Variants in ZNF804B observed in about 807,000 individuals in gnomAD.
ZNF804B encodes the protein zinc finger protein 804B.
ZNF804B carries 80 observed loss-of-function variants against 101.4 expected under a neutral mutation model. That is an observed-to-expected ratio of 0.79 (90% CI 0.66 to 0.95). The LOEUF (loss-of-function observed/expected upper bound fraction) is 0.95. Ranked by LOEUF, ZNF804B falls within the 40% of genes least tolerant of loss-of-function variation. The pLI, the probability that ZNF804B is intolerant of heterozygous loss-of-function variation, is 0.00. For synonymous variants in ZNF804B, 622 were observed against 558.8 expected (o/e 1.11, Z -1.59); for missense variants, 1,673 against 1,561.9 (o/e 1.07, Z -1.20).
rs1313796116 is a variant in ZNF804B at position 88,833,440 on chromosome 7, A to C, written c.108+73356A>C. On this transcript the variant is annotated intron_variant, in intron 1 of 3. Coordinates refer to ENST00000333190, the MANE Select transcript of ZNF804B (RefSeq NM_181646.5). ...TTCTTTAGCTCTTACAAAAAAGTCA[A>C]GTGATTACATGTATCTGACATGTTG... Among the ~76,000 whole-genome samples, 4 of 152,044 alleles carry C rather than the reference A, an allele frequency of 2.6e-5. No homozygotes were observed. In the East Asian group the frequency reaches 7.8e-4, roughly 29 times the overall value.
chr7:88,799,868 A>G (rs2115707374), intron 1 of ZNF804B, among the ~76,000 whole-genome samples: 1 of 152,184 alleles, frequency 6.6e-6, no homozygotes, highest in Non-Finnish European at 1.5e-5. Flanking sequence ...TTTCTTAGAA[A>G]CGTTAGTGAA....
At chr7:88,897,945 G>A (rs1792314558) in intron 1 of ZNF804B, among the ~76,000 whole-genome samples, 1 of 151,294 alleles carries the variant, frequency 6.6e-6, no homozygotes, top group Non-Finnish European at 1.5e-5. Flanking sequence ...AACAATCTAA[G>A]TATTTAGCAG....
At chr7:89,263,380 C>G (rs1186922018) in intron 2 of ZNF804B, among the ~76,000 whole-genome samples, 1 of 152,056 alleles carries the variant, frequency 6.6e-6, no homozygotes, top group Non-Finnish European at 1.5e-5. Context: ...TGTTGTTTCT[C>G]AGGATTCTCT....
intron 1 of ZNF804B, among the ~76,000 whole-genome samples, chr7:88,942,768 T>G (rs1206654279): frequency 6.6e-6 from 1 of 151,856 alleles, no homozygotes; most frequent in African/African-American, 2.4e-5. Context: ...TTATGTGTGT[T>G]GGTTCTTCTT....
chr7:89,283,286 T>C (rs1281468935), intron 2 of ZNF804B, among the ~76,000 whole-genome samples: 1 of 152,256 alleles, frequency 6.6e-6, no homozygotes, highest in Admixed American at 6.5e-5. Flanking sequence ...AAATGTGGTA[T>C]TGAGAAGCAT....
At chr7:88,814,929 A>G (rs1198431519) in intron 1 of ZNF804B, among the ~76,000 whole-genome samples, 3 of 151,588 alleles carry the variant, frequency 2.0e-5, no homozygotes, top group Admixed American at 6.6e-5. Flanking sequence ...TTTGAATAGT[A>G]CCCTGTTTAT....
At chr7:89,026,396 G>A (rs985090247) in intron 1 of ZNF804B, among the ~76,000 whole-genome samples, 15 of 152,064 alleles carry the variant, frequency 9.9e-5, no homozygotes, top group Admixed American at 6.6e-5. Flanking sequence ...AAGCACGGGG[G>A]TACACACAGG....
intron 1 of ZNF804B, among the ~76,000 whole-genome samples, chr7:89,183,673 A>G (rs2189054): frequency 0.17 from 26,585 of 152,132 alleles, 2,419 homozygotes; most frequent in Middle Eastern, 0.29. Flanking sequence ...TAATTTTCAA[A>G]TAATACCTTC....
intron 1 of ZNF804B, among the ~76,000 whole-genome samples, chr7:89,019,989 C>A (rs1788639253): frequency 6.6e-6 from 1 of 151,882 alleles, no homozygotes; most frequent in Non-Finnish European, 1.5e-5. Context: ...GTTTTTTATT[C>A]TTTTCTCATC....
intron 1 of ZNF804B, among the ~76,000 whole-genome samples, chr7:89,204,546 G>T (rs1435814175): frequency 2.0e-5 from 3 of 152,106 alleles, no homozygotes; most frequent in African/African-American, 4.8e-5. Context: ...TCACTCAGTA[G>T]GTCCTGCTTT....
chr7:88,802,232 T>C (rs1180478410), intron 1 of ZNF804B, among the ~76,000 whole-genome samples: 1 of 152,174 alleles, frequency 6.6e-6, no homozygotes, highest in Non-Finnish European at 1.5e-5. Flanking sequence ...TGTTTATAAA[T>C]TGCCCAGTCT....
intron 1 of ZNF804B, among the ~76,000 whole-genome samples, chr7:89,081,314 C>A (rs971964918): frequency 1.3e-5 from 2 of 151,852 alleles, no homozygotes; most frequent in African/African-American, 4.8e-5. Flanking sequence ...GTCAGGTGTT[C>A]TTCAGAAATA....
At chr7:88,856,457 G>C (rs1452549742) in intron 1 of ZNF804B, among the ~76,000 whole-genome samples, 2 of 152,126 alleles carry the variant, frequency 1.3e-5, no homozygotes, top group African/African-American at 4.8e-5. Context: ...CATTGATTTT[G>C]TATCCTGAGA....
chr7:89,177,073 A>C (rs1791333887), intron 1 of ZNF804B, among the ~76,000 whole-genome samples: 1 of 151,924 alleles, frequency 6.6e-6, no homozygotes. Flanking sequence ...TTATCTTTTC[A>C]AGAAGAAACT....
chr7:89,317,510 TGA>T, intron 2 of ZNF804B, among the ~76,000 whole-genome samples: 1 of 152,294 alleles, frequency 6.6e-6, no homozygotes, highest in East Asian at 1.9e-4. Flanking sequence ...AGCTTTTCTA[TGA>T]GAGAGAATAT....
intron 1 of ZNF804B, among the ~76,000 whole-genome samples, chr7:89,090,298 G>A (rs145169743): frequency 0.012 from 1,814 of 152,014 alleles, 21 homozygotes; most frequent in Non-Finnish European, 0.019. Context: ...GATGTTCAGC[G>A]AATTTTTGTG....
chr7:88,790,208 G>A (rs942465226), intron 1 of ZNF804B, among the ~76,000 whole-genome samples: 6 of 151,956 alleles, frequency 3.9e-5, no homozygotes, highest in African/African-American at 1.5e-4. Flanking sequence ...TTTTCTGTGG[G>A]TTAAGTTATG....
At chr7:88,947,288 G>A (rs1424127482) in intron 1 of ZNF804B, among the ~76,000 whole-genome samples, 4 of 151,958 alleles carry the variant, frequency 2.6e-5, no homozygotes, top group African/African-American at 9.7e-5. Context: ...GTGATAGACC[G>A]GATAGAGAAA....
In ZNF804B at chr7:89,169,955, A is replaced by C. The variant is rs1213390435; in HGVS notation, c.109-48200A>C. On this transcript the variant is annotated intron_variant, in intron 1 of 3. Transcript: ENST00000333190. ...TGGTAAGCCTGCAAGTCAGTTATTT[A>C]GTGATAAGTTAAGAGAGATTTTACT... Among the ~76,000 whole-genome samples the C allele has an allele frequency of 5.9e-5, 9 of 152,192 alleles. No homozygotes were observed. In the East Asian group the frequency reaches 1.7e-3, roughly 29 times the overall value.
Sources: gnomAD v4.1 joint callset for allele counts (sites outside exome capture counted in the v4.1 genomes callset) on GRCh38, gnomAD v4.1.1 for gene constraint, MANE v1.5 for transcripts, NCBI Gene and HGNC (gene_info 2026-07-23, HGNC 2026-07-21) for gene names.